The following GABRG3 variants were observed in gnomAD, a reference collection of about 807,000 sequenced individuals.
GABRG3 encodes the protein gamma-aminobutyric acid type A receptor subunit gamma3, also known as gamma-aminobutyric acid receptor subunit gamma-3.
Under a neutral mutation model 48.8 loss-of-function variants are expected in GABRG3, and 25 were observed. The ratio of observed to expected loss-of-function variants is 0.51; its 90% CI spans 0.37 to 0.72. GABRG3 has a LOEUF of 0.72. Among genes scored for constraint, GABRG3 ranks in the 30% least tolerant of loss-of-function variants. GABRG3 has a pLI of 0.00. For synonymous variants in GABRG3, 227 were observed against 217.6 expected (o/e 1.04, Z -0.38); for missense variants, 394 against 577.9 (o/e 0.68, Z 3.26).
At chr15:27,530,370 C>A (rs770243790) in intron 9 of GABRG3, among the ~76,000 whole-genome samples, 6 of 152,136 alleles carry the variant, frequency 3.9e-5, no homozygotes, top group Non-Finnish European at 8.8e-5. Context: ...ATTAAAATCT[C>A]TATCTTGGGT....
At chr15:27,251,888 C>G (rs182923874) in intron 3 of GABRG3, among the ~76,000 whole-genome samples, 1 of 152,156 alleles carries the variant, frequency 6.6e-6, no homozygotes. Flanking sequence ...TCTGATAGCC[C>G]GGGCCTGCGT....
chr15:27,374,138 C>CTT lies in GABRG3; in HGVS notation c.574+45272_574+45273dup, dbSNP rs201839822. Among the ~76,000 whole-genome samples the CTT allele has an allele frequency of 6.0e-3, 554 of 91,616 alleles. 13 individuals are homozygous for CTT. The highest frequency in any genetic ancestry group is 0.019 in the African/African-American group (459 of 23,674). 60.1% of individuals were successfully genotyped at this position (91,616 alleles called of 152,430 possible). ...GAATTTTCTTTCCTTTTCTTTTCTT[C>CTT]TTTTTTTTTTTTTTTTTTTTTTTCA... On this transcript the variant is annotated intron_variant, in intron 5 of 9. Coordinates refer to ENST00000615808, the MANE Select transcript of GABRG3 (RefSeq NM_033223.5).
chr15:27,382,755 A>C (rs1413733281), intron 5 of GABRG3, among the ~76,000 whole-genome samples: 1 of 152,024 alleles, frequency 6.6e-6, no homozygotes, highest in African/African-American at 2.4e-5. Flanking sequence ...TTGACGAGGG[A>C]CTGAGTATGT....
In GABRG3 at chr15:27,357,758, G is replaced by A. The variant is rs114333883; in HGVS notation, c.574+28870G>A. On this transcript the variant is annotated intron_variant, in intron 5 of 9. Transcript: ENST00000615808. ...CCTGAGCTGGATATGAAAATGGATG[G>A]TGATTTTATTAGACTTTTCAGATAA... 2.3e-3 allele frequency among the ~76,000 whole-genome samples: 345 copies of A among 152,296 alleles called. 1 individual carries two copies. The highest frequency in any genetic ancestry group is 7.9e-3 in the African/African-American group (328 of 41,572).
At chr15:27,069,094 C>G (rs985341049) in intron 3 of GABRG3, among the ~76,000 whole-genome samples, 1 of 152,182 alleles carries the variant, frequency 6.6e-6, no homozygotes, top group African/African-American at 2.4e-5. Context: ...ATTTTGCCCT[C>G]GTTCTTGTTT....
chr15:27,000,057 T>C (rs1226461507), intron 2 of GABRG3, among the ~76,000 whole-genome samples: 1 of 152,252 alleles, frequency 6.6e-6, no homozygotes, highest in East Asian at 1.9e-4. Context: ...TAATTATCTT[T>C]GCTTCTAATT....
At chr15:27,239,752 T>C (rs1387277988) in intron 3 of GABRG3, among the ~76,000 whole-genome samples, 2 of 152,216 alleles carry the variant, frequency 1.3e-5, no homozygotes, top group African/African-American at 4.8e-5. Flanking sequence ...TATTGGTTTC[T>C]GCCATTTTTC....
intron 6 of GABRG3, among the ~76,000 whole-genome samples, chr15:27,489,228 A>G (rs1416057867): frequency 1.3e-5 from 2 of 152,172 alleles, no homozygotes; most frequent in South Asian, 4.1e-4. Flanking sequence ...TTATGGCTGC[A>G]TAGTATTCCA....
At position 27,224,976 on chromosome 15, in the gene GABRG3, C is replaced by T. The variant is rs146085111; in HGVS notation, c.271-101833C>T. 3.5e-3 allele frequency among the ~76,000 whole-genome samples: 529 copies of T among 152,114 alleles called. 3 individuals carry two copies. Among genetic ancestry groups the T allele is most frequent in the African/African-American group, 0.012 (508 of 41,474 alleles). On this transcript the variant is annotated intron_variant, in intron 3 of 9. Coordinates refer to ENST00000615808, the MANE Select transcript of GABRG3 (RefSeq NM_033223.5). Reference sequence around the variant, plus strand: ...CTAGGAATGGTGGATGCCTCTGGTGCCACCCACCGCCTGGGGTGAGGAGAG... The same window carrying T: ...CTAGGAATGGTGGATGCCTCTGGTGTCACCCACCGCCTGGGGTGAGGAGAG...
chr15:27,230,753 A>G (rs912112092), intron 3 of GABRG3, among the ~76,000 whole-genome samples: 6 of 152,042 alleles, frequency 3.9e-5, no homozygotes, highest in Non-Finnish European at 7.4e-5. Flanking sequence ...CTACTTATTT[A>G]TTTATTTTTA....
intron 5 of GABRG3, among the ~76,000 whole-genome samples, chr15:27,446,965 G>A (rs1888963250): frequency 6.6e-6 from 1 of 152,170 alleles, no homozygotes; most frequent in South Asian, 2.1e-4. Flanking sequence ...TCCACACAGA[G>A]TTAGCTTTCC....
At chr15:27,003,093 A>G (rs1347578466) in intron 2 of GABRG3, among the ~76,000 whole-genome samples, 1 of 151,898 alleles carries the variant, frequency 6.6e-6, no homozygotes, top group African/African-American at 2.4e-5. Flanking sequence ...TTTATAAATT[A>G]CAGAATTTGG....
intron 6 of GABRG3, among the ~76,000 whole-genome samples, chr15:27,499,313 A>G (rs1890562910): frequency 6.6e-6 from 1 of 152,136 alleles, no homozygotes; most frequent in African/African-American, 2.4e-5. Context: ...GAAACAAAAC[A>G]CAGTGCATGG....
At chr15:27,467,403 G>C (rs1003367255) in intron 5 of GABRG3, among the ~76,000 whole-genome samples, 1 of 152,160 alleles carries the variant, frequency 6.6e-6, no homozygotes, top group Non-Finnish European at 1.5e-5. Flanking sequence ...CAGTACCACT[G>C]CACTTTTAGG....
At chr15:27,271,354 A>T (rs1424637392) in intron 3 of GABRG3, among the ~76,000 whole-genome samples, 1 of 152,092 alleles carries the variant, frequency 6.6e-6, no homozygotes, top group Non-Finnish European at 1.5e-5. Flanking sequence ...TCTCGCTGCC[A>T]CCCGCACTCT....
Position 26,996,827 on chromosome 15 carries a change from T to A in GABRG3, c.202+19677T>A, listed in dbSNP as rs957086704. On this transcript the variant is annotated intron_variant, in intron 2 of 9. Coordinates refer to ENST00000615808, the MANE Select transcript of GABRG3 (RefSeq NM_033223.5). ...ACCACGCCCAGCTAATGTTTTTGTA[T>A]TTTTTTAGTAGAGACGGGGTTTCAC... 2.0e-5 allele frequency among the ~76,000 whole-genome samples: 3 copies of A among 151,926 alleles called. No individual in the cohort carries two copies. The East Asian group carries it at 5.8e-4, about 29-fold the overall frequency.
chr15:27,017,651 G>A (rs142445458), intron 2 of GABRG3, among the ~76,000 whole-genome samples: 419 of 152,254 alleles, frequency 2.8e-3, no homozygotes, highest in Admixed American at 5.2e-3. Flanking sequence ...ACACCCTGTG[G>A]TACTTGGCGG....
chr15:27,235,684 T>C (rs1214630836), intron 3 of GABRG3, among the ~76,000 whole-genome samples: 5 of 152,196 alleles, frequency 3.3e-5, no homozygotes, highest in African/African-American at 1.2e-4. Context: ...GTATGCCTCC[T>C]GTATACATGG....
intron 2 of GABRG3, among the ~76,000 whole-genome samples, chr15:26,989,910 A>G (rs753924032): frequency 6.6e-6 from 1 of 152,248 alleles, no homozygotes; most frequent in Admixed American, 6.5e-5. Flanking sequence ...GGCTTATTTC[A>G]CCTAATGATC....
Sources: allele counts gnomAD v4.1 joint callset (sites outside exome capture counted in the v4.1 genomes callset), GRCh38; gene constraint gnomAD v4.1.1; transcripts MANE v1.5; gene names NCBI Gene and HGNC (gene_info 2026-07-23, HGNC 2026-07-21).